Variants in TRANK1 observed in about 807,000 individuals in gnomAD.
TRANK1 encodes tetratricopeptide repeat and ankyrin repeat containing 1.
TRANK1 carries 198 observed loss-of-function variants against 266.0 expected under a neutral mutation model. The ratio of observed to expected loss-of-function variants is 0.74; its 90% CI spans 0.66 to 0.84. TRANK1 has a LOEUF of 0.84. Among genes scored for constraint, TRANK1 ranks in the 40% least tolerant of loss-of-function variants. The pLI, the probability that TRANK1 is intolerant of heterozygous loss-of-function variation, is 0.00. For missense variants in TRANK1, 3,326 were observed against 3,634.6 expected (o/e 0.92, Z 2.18); for synonymous variants, 1,396 against 1,384.1 (o/e 1.01, Z -0.19).
intron 7 of TRANK1, among the ~76,000 whole-genome samples, chr3:36,891,363 A>G (rs1476168608): frequency 1.3e-5 from 2 of 152,126 alleles, no homozygotes; most frequent in Non-Finnish European, 2.9e-5. Context: ...TCTCTTATAA[A>G]TTCCCCACTA....
At chr3:36,900,885 G>T (rs2079869776) in intron 3 of TRANK1, among the ~76,000 whole-genome samples, 2 of 64,320 alleles carry the variant, frequency 3.1e-5, no homozygotes, top group African/African-American at 1.0e-4. Context: ...AAGATAACAG[G>T]TGTTCACCAA....
intron 1 of TRANK1, among the ~76,000 whole-genome samples, chr3:36,919,974 C>T (rs2080192096): frequency 6.6e-6 from 1 of 152,136 alleles, no homozygotes; most frequent in African/African-American, 2.4e-5. Flanking sequence ...ATGCCAGGCC[C>T]ATTGTAGCTC....
Position 36,856,456 on chromosome 3 carries a change from C to T in TRANK1, c.3266G>A (p.Arg1089Lys). ...GTGKTTCCLY[R>K]LWKKFHVYWE... ...GTAAACGTGGAATTTCTTCCACAAT[C>T]TGTACAAGCAGCAGGTTGTCTTCCC... The change falls in exon 13 of 24, where the codon AGA becomes AAA. Residue 1089 changes from arginine (R) to lysine (K), a missense_variant. Physicochemically the swap from Arg to Lys is conservative, Grantham distance 26 (BLOSUM62 2). Coordinates refer to ENST00000645898, the MANE Select transcript of TRANK1 (RefSeq NM_001329998.2). The T allele has an allele frequency of 6.2e-7, 1 of 1,613,996 alleles. No individual in the cohort carries two copies. Among genetic ancestry groups the T allele is most frequent in the East Asian group, 2.2e-5 (1 of 44,876 alleles).
At chr3:36,854,631 T>C (rs1230947914) in intron 13 of TRANK1, among the ~76,000 whole-genome samples, 1 of 152,248 alleles carries the variant, frequency 6.6e-6, no homozygotes, top group Non-Finnish European at 1.5e-5. Context: ...GATGCTTACC[T>C]CGCAGTGGTG....
intron 9 of TRANK1, among the ~76,000 whole-genome samples, chr3:36,867,561 T>C (rs543647439): frequency 7.9e-5 from 12 of 152,376 alleles, no homozygotes; most frequent in African/African-American, 2.9e-4. Flanking sequence ...ACTTGTTTAC[T>C]TCACTGATCT....
In TRANK1 at chr3:36,837,471, C is replaced by T. The variant is rs941067465; in HGVS notation, c.5517+901G>A. Among the ~76,000 whole-genome samples the T allele has an allele frequency of 7.2e-5, 11 of 152,306 alleles. No homozygotes were observed. The South Asian group carries it at 1.5e-3, about 20-fold the overall frequency. On this transcript the variant is annotated intron_variant, in intron 20 of 23. Transcript: ENST00000645898. ...CCCATGAGTCACCATATTTCACATACAGACAAGAAAACCCCCTTTCCTACT... is the reference window on the plus strand; with the variant it reads ...CCCATGAGTCACCATATTTCACATATAGACAAGAAAACCCCCTTTCCTACT...
chr3:36,902,215 G>A (rs1022642487), intron 3 of TRANK1, among the ~76,000 whole-genome samples: 1 of 152,202 alleles, frequency 6.6e-6, no homozygotes, highest in Non-Finnish European at 1.5e-5. Flanking sequence ...GGGGTTGGAC[G>A]AGCTTGTTCT....
chr3:36,901,942 A>C (rs1470716726), intron 3 of TRANK1, among the ~76,000 whole-genome samples: 1 of 152,226 alleles, frequency 6.6e-6, no homozygotes, highest in African/African-American at 2.4e-5. Context: ...GATTGGGAAT[A>C]TCCTAAAATA....
Position 36,890,661 on chromosome 3 carries a change from A to T in TRANK1, c.776-701T>A, listed in dbSNP as rs542224361. 2.0e-5 allele frequency among the ~76,000 whole-genome samples: 3 copies of T among 152,314 alleles called. No individual in the cohort carries two copies. The East Asian group carries it at 5.8e-4, about 29-fold the overall frequency. On this transcript the variant is annotated intron_variant, in intron 7 of 23. Transcript: ENST00000645898. ...TTTAATAATCAAGCCAGTATCTCTG[A>T]TAAGATTACCCTACTACATTACTAT...
In TRANK1 at chr3:36,833,587, T is replaced by A. The variant is rs2078728018; in HGVS notation, c.5996A>T (p.Asn1999Ile). Residue 1999 changes from asparagine to isoleucine, a missense_variant, in exon 22 of 24, where the codon AAT becomes ATT. Transcript: ENST00000645898. ...TTCTATGTCGGAATCCCTGGCCACA[T>A]TGAGGCGGGCGGCCCCCAGCAGACA... ...ASCLLGAARLNVARDSDIEHT... is the reference protein window; with the variant it reads ...ASCLLGAARLIVARDSDIEHT... 1 of 1,613,954 alleles carries A rather than the reference T, an allele frequency of 6.2e-7. No homozygotes were observed. The highest frequency in any genetic ancestry group is 1.1e-5 in the South Asian group (1 of 91,084).
In TRANK1 at chr3:36,944,881, C is replaced by A; in HGVS notation, c.-72G>T. 1 of 1,364,808 alleles carries A rather than the reference C, an allele frequency of 7.3e-7. No homozygotes were observed. Among genetic ancestry groups the A allele is most frequent in the South Asian group, 1.6e-5 (1 of 62,152 alleles). The allele number at this position is 1,364,808 out of a possible 1,614,324, so 84.5% of individuals were successfully genotyped here. A position where few individuals can be genotyped will look rare whatever the true frequency, so the allele number is the denominator to read the frequency against. The stretch of plus-strand genomic sequence containing the variant: ...GCGCTTCCCTGTGGGCAGGGCGCGG[C>A]GGGCAGTGCGGAAGCCCGAAAGCTA... On this transcript the variant is annotated 5_prime_UTR_variant, in exon 1 of 24. Coordinates refer to ENST00000645898, the MANE Select transcript of TRANK1 (RefSeq NM_001329998.2).
chr3:36,873,492 T>C (rs910173392), intron 9 of TRANK1, among the ~76,000 whole-genome samples: 1 of 152,238 alleles, frequency 6.6e-6, no homozygotes, highest in African/African-American at 2.4e-5. Flanking sequence ...GGTCTGCCCA[T>C]GTTACTAGTT....
chr3:36,901,037 TC>T (rs2079873311), intron 3 of TRANK1, among the ~76,000 whole-genome samples: 1 of 151,520 alleles, frequency 6.6e-6, no homozygotes, highest in African/African-American at 2.4e-5. Context: ...AAAGTGTGTT[TC>T]GTTTTTTCTA....
chr3:36,827,946 C>G lies in TRANK1; in HGVS notation c.*329G>C. On this transcript the variant is annotated 3_prime_UTR_variant, in exon 24 of 24. Coordinates refer to ENST00000645898, the MANE Select transcript of TRANK1 (RefSeq NM_001329998.2). ...AACACCTAGTCCTCTGCTACCAACT[C>G]ATGTCATGATGGGGATGAGCCAGAC... 1 of 244,042 alleles carries G rather than the reference C, an allele frequency of 4.1e-6. No individual in the cohort carries two copies. Among genetic ancestry groups the G allele is most frequent in the East Asian group, 9.6e-5 (1 of 10,432 alleles). The allele number at this position is 244,042 out of a possible 1,614,324, so 15.1% of individuals were successfully genotyped here. A position where few individuals can be genotyped will look rare whatever the true frequency, so the allele number is the denominator to read the frequency against.
Position 36,831,197 on chromosome 3 carries a change from C to G in TRANK1, c.8386G>C (p.Glu2796Gln), listed in dbSNP as rs769873616. 3 of 1,613,810 alleles carry G rather than the reference C, an allele frequency of 1.9e-6. No homozygotes were observed. In the Admixed American group the frequency reaches 5.0e-5, roughly 27 times the overall value. The change falls in exon 22 of 24, where the codon GAG becomes CAG. Residue 2796 changes from glutamate to glutamine, a missense_variant. Physicochemically the swap from Glu to Gln is conservative, Grantham distance 29. Transcript: ENST00000645898. This position sits in a 1 kb window ranked among gnomAD's most constrained non-coding sequence, Gnocchi z 5.0. ...TCAGCCCTGGAAAGGACTGCCACCT[C>G]GGAAGCTGCCCCCTCAAACGCTTTG... ...PSKAFEGAAS[E>Q]VAVLSRAELE...
Position 36,830,749 on chromosome 3 carries a change from T to G in TRANK1, c.8710+124A>C. On this transcript the variant is annotated intron_variant, in intron 22 of 23. Transcript: ENST00000645898. ...GAGAATATATATTCCTCATTTGTAT[T>G]TCTTCTAAGGCCAAGATTCCACCAT... 3 of 1,121,204 alleles carry G rather than the reference T, an allele frequency of 2.7e-6. No individual in the cohort carries two copies. The South Asian group carries it at 5.2e-5, about 20-fold the overall frequency. The allele number at this position is 1,121,204 out of a possible 1,614,324, so 69.5% of individuals were successfully genotyped here.
Position 36,855,903 on chromosome 3 carries a change from G to T in TRANK1, c.3819C>A (p.Thr1273=). 1 of 1,613,532 alleles carries T rather than the reference G, an allele frequency of 6.2e-7. No homozygotes were observed. Among genetic ancestry groups the T allele is most frequent in the Non-Finnish European group, 8.5e-7 (1 of 1,179,830 alleles). ...LRNEDGSLKR[T]IIGWSAQEES... Reference sequence around the variant, plus strand: ...CTTCCTGTGCAGACCATCCTATGATGGTTCTTTTCAAGCTTCCATCTTCGT... The same window carrying T: ...CTTCCTGTGCAGACCATCCTATGATTGTTCTTTTCAAGCTTCCATCTTCGT... Residue 1273 remains threonine, a synonymous_variant, in exon 13 of 24, where the codon ACC becomes ACA. Coordinates refer to ENST00000645898, the MANE Select transcript of TRANK1 (RefSeq NM_001329998.2).
rs2125505770 is a variant in TRANK1, at chr3:36,832,686, G to T, written c.6897C>A (p.Ser2299=). The part of the protein sequence containing the change: ...CKEILKPNYK[S]FRFYRFALKE... The stretch of plus-strand genomic sequence containing the variant: ...TCAAAGCAAATCTGTAGAACCGGAA[G>T]GATTTGTAATTTGGTTTGAGGATTT... Residue 2299 remains serine (S), a synonymous_variant, in exon 22 of 24, where the codon TCC becomes TCA. Transcript: ENST00000645898. The T allele has an allele frequency of 6.2e-7, 1 of 1,614,028 alleles. No individual in the cohort carries two copies. Among genetic ancestry groups the T allele is most frequent in the South Asian group, 1.1e-5 (1 of 91,086 alleles).
rs2078686960 is a variant in TRANK1 at position 36,831,093 on chromosome 3, C to T, written c.8490G>A (p.Gln2830=). The T allele has an allele frequency of 1.2e-6, 2 of 1,614,004 alleles. No homozygotes were observed. The highest frequency in any genetic ancestry group is 1.7e-6 in the Non-Finnish European group (2 of 1,179,892). ...CTGAGTATTTCTGGTAGGCCACTTG[C>T]TGCCTCTGGTGGTGTTCTAGATGGA... is the stretch of plus-strand genomic sequence containing the variant. ...QHIHLEHHQR[Q]QVAYQKYSEF... is the part of the protein sequence containing the mutation. The change falls in exon 22 of 24, where the codon CAG becomes CAA. Residue 2830 remains glutamine (Q), a synonymous_variant. Coordinates refer to ENST00000645898, the MANE Select transcript of TRANK1 (RefSeq NM_001329998.2). This position sits in a 1 kb window ranked among gnomAD's most constrained non-coding sequence, Gnocchi z 5.0.
Sources: gnomAD v4.1 joint callset for allele counts (sites outside exome capture counted in the v4.1 genomes callset) on GRCh38, gnomAD v4.1.1 for gene constraint, Gnocchi (gnomAD v3.1) non-coding constraint, MANE v1.5 for transcripts, NCBI Gene and HGNC (gene_info 2026-07-23, HGNC 2026-07-21) for gene names.